CSTPP1: variants seen among roughly 807,000 people sequenced by gnomAD.
The protein encoded by CSTPP1 is UPF0705 protein C11orf49.
the CSTPP1 span, among the ~76,000 whole-genome samples, chr11:46,982,501 C>T: frequency 6.6e-6 from 1 of 151,690 alleles, no homozygotes; most frequent in South Asian, 2.1e-4. Flanking sequence ...AATTCTAGAC[C>T]CCTCAAACAA....
chr11:47,049,131 A>C, the CSTPP1 span, among the ~76,000 whole-genome samples: 1 of 151,884 alleles, frequency 6.6e-6, no homozygotes, highest in Non-Finnish European at 1.5e-5. Flanking sequence ...GACCAAAGGC[A>C]TGCACCACCA....
the CSTPP1 span, among the ~76,000 whole-genome samples, chr11:47,021,122 G>GT: frequency 1.3e-5 from 2 of 152,202 alleles, no homozygotes; most frequent in Non-Finnish European, 2.9e-5. Context: ...TGTTGTGGTT[G>GT]TTGTTAACCC....
At chr11:46,976,393 TCACACACACA>T in the CSTPP1 span, among the ~76,000 whole-genome samples, 3 of 148,708 alleles carry the variant, frequency 2.0e-5, no homozygotes, top group Non-Finnish European at 3.0e-5. Flanking sequence ...TAGGTTTCAG[TCACACACACA>T]CACACACACA....
At chr11:47,011,804 A>G in the CSTPP1 span, among the ~76,000 whole-genome samples, 1 of 152,208 alleles carries the variant, frequency 6.6e-6, no homozygotes, top group African/African-American at 2.4e-5. Flanking sequence ...TTCATATCAC[A>G]ACATGGATTT....
At chr11:47,048,428 A>G in the CSTPP1 span, among the ~76,000 whole-genome samples, 3 of 152,094 alleles carry the variant, frequency 2.0e-5, no homozygotes, top group Non-Finnish European at 1.5e-5. Flanking sequence ...AAGGCTTGAG[A>G]CCAGCCTGGG....
the CSTPP1 span, among the ~76,000 whole-genome samples, chr11:47,140,080 G>A: frequency 6.6e-6 from 1 of 152,156 alleles, no homozygotes; most frequent in African/African-American, 2.4e-5. Context: ...GGGGCACGGT[G>A]TTTTGCAGCT....
At chr11:47,039,665 C>T in the CSTPP1 span, among the ~76,000 whole-genome samples, 1 of 127,630 alleles carries the variant, frequency 7.8e-6, no homozygotes, top group Non-Finnish European at 1.9e-5. Context: ...GATGAAACCC[C>T]GTCTCTACTA....
At chr11:47,079,137 G>A in the CSTPP1 span, among the ~76,000 whole-genome samples, 94 of 152,240 alleles carry the variant, frequency 6.2e-4, no homozygotes, top group African/African-American at 2.1e-3. Flanking sequence ...TAGGTCATTC[G>A]GAGGTCTTGT....
chr11:46,939,082 C>CTTTTTTT, the CSTPP1 span, among the ~76,000 whole-genome samples: 21 of 84,768 alleles, frequency 2.5e-4, no homozygotes, highest in Non-Finnish European at 3.4e-4. Flanking sequence ...TGGCTTACAT[C>CTTTTTTT]TTTTTTTTTT....
the CSTPP1 span, among the ~76,000 whole-genome samples, chr11:46,953,618 C>A: frequency 1.3e-5 from 2 of 152,056 alleles, no homozygotes; most frequent in Non-Finnish European, 2.9e-5. Context: ...AATTTATCAA[C>A]CCTAAAGTAT....
the CSTPP1 span, among the ~76,000 whole-genome samples, chr11:47,153,650 G>A: frequency 3.3e-5 from 5 of 152,174 alleles, no homozygotes; most frequent in African/African-American, 9.7e-5. Flanking sequence ...AAAATTTAAC[G>A]AATGCAGTTA....
the CSTPP1 span, among the ~76,000 whole-genome samples, chr11:46,950,680 C>T: frequency 4.0e-5 from 6 of 151,298 alleles, no homozygotes; most frequent in South Asian, 2.1e-4. Flanking sequence ...GGCCCGATCT[C>T]GGCTCACTGC....
the CSTPP1 span, chr11:47,159,890 G>C: frequency 2.8e-6 from 1 of 352,614 alleles, no homozygotes; most frequent in Non-Finnish European, 5.6e-6. Context: ...TGTAATTCCT[G>C]CTACTGGGGA....
chr11:46,975,728 GAAAATATTTC>G, the CSTPP1 span, among the ~76,000 whole-genome samples: 1 of 152,160 alleles, frequency 6.6e-6, no homozygotes, highest in Non-Finnish European at 1.5e-5. Context: ...AAAAAATGAA[GAAAATATTTC>G]AAGTTCTTTA....
chr11:46,957,475 T>C, the CSTPP1 span, among the ~76,000 whole-genome samples: 1 of 152,202 alleles, frequency 6.6e-6, no homozygotes, highest in Non-Finnish European at 1.5e-5. Context: ...TAGATACATA[T>C]AAAATTCTGT....
At chr11:47,033,096 T>C in the CSTPP1 span, among the ~76,000 whole-genome samples, 91 of 152,292 alleles carry the variant, frequency 6.0e-4, no homozygotes, top group African/African-American at 2.1e-3. Flanking sequence ...TGATGTTAAG[T>C]GGCTGAGGAA....
At chr11:46,938,203 A>G in the CSTPP1 span, among the ~76,000 whole-genome samples, 55 of 152,082 alleles carry the variant, frequency 3.6e-4, 1 homozygote. Context: ...AAAATTGAGC[A>G]GATAGTACGG....
At chr11:47,073,660 A>G in the CSTPP1 span, among the ~76,000 whole-genome samples, 1 of 152,220 alleles carries the variant, frequency 6.6e-6, no homozygotes, top group African/African-American at 2.4e-5. Context: ...AGTGATAATA[A>G]TAATGCTTTT....
At chr11:47,122,091 A>AAATATATATATATATAT in the CSTPP1 span, among the ~76,000 whole-genome samples, 6 of 31,838 alleles carry the variant, frequency 1.9e-4, no homozygotes, top group Non-Finnish European at 3.8e-4. Flanking sequence ...AAAAAAAAAA[A>AAATATATATATATATAT]ATATATATAT....
Sources: allele counts gnomAD v4.1 joint callset (sites outside exome capture counted in the v4.1 genomes callset), GRCh38; gene constraint gnomAD v4.1.1; transcripts MANE v1.5; gene names NCBI Gene and HGNC (gene_info 2026-07-23, HGNC 2026-07-21).